The following FLVCR2 variants were observed in gnomAD, a reference collection of about 807,000 sequenced individuals.
FLVCR2 encodes the protein choline/ethanolamine transporter FLVCR2.
A neutral mutation model predicts 48.9 loss-of-function variants in FLVCR2; 38 were observed. That is an observed-to-expected ratio of 0.78 (90% confidence interval 0.60 to 1.02). The LOEUF (loss-of-function observed/expected upper bound fraction) is 1.02, where lower values mean the gene tolerates loss of function less well. FLVCR2 is among the 50% of genes least tolerant of loss of function. The pLI, the probability that FLVCR2 is intolerant of heterozygous loss-of-function variation, is 0.00. For synonymous variants in FLVCR2, 255 were observed against 257.0 expected, an observed-to-expected ratio of 0.99 and a Z score of 0.07; for missense variants, 664 against 663.3, an observed-to-expected ratio of 1.00 and a Z score of -0.01.
At chr14:75,643,668 T>C (rs984218725) in intron 9 of FLVCR2, among the ~76,000 whole-genome samples, 1 of 152,180 alleles carries the variant, frequency 6.6e-6, no homozygotes. Context: ...GGAAATTCAC[T>C]GGGGAGACAG....
At chr14:75,580,143 T>A (rs1888559700) in intron 1 of FLVCR2, among the ~76,000 whole-genome samples, 1 of 152,220 alleles carries the variant, frequency 6.6e-6, no homozygotes. Flanking sequence ...GCCAGGACAG[T>A]GGGAGCAGTG....
At chr14:75,594,554 G>A (rs1365860473) in intron 1 of FLVCR2, among the ~76,000 whole-genome samples, 1 of 152,180 alleles carries the variant, frequency 6.6e-6, no homozygotes, top group Non-Finnish European at 1.5e-5. Flanking sequence ...TGGAGGCTGG[G>A]AAACCCATGA....
At position 75,646,991 on chromosome 14, in the gene FLVCR2, A is replaced by C; in HGVS notation, c.*519A>C. On this transcript the variant is annotated 3_prime_UTR_variant, in exon 10 of 10. Coordinates refer to ENST00000238667, the MANE Select transcript of FLVCR2 (RefSeq NM_017791.3). ...CAGGAGAGGAAGCACCATTAGAACA[A>C]CTCCATCAGAACAGCTCCACCGGGA... The C allele has an allele frequency of 1.1e-5, 2 of 189,214 alleles. No individual in the cohort carries two copies. Among genetic ancestry groups the C allele is most frequent in the South Asian group, 1.1e-4 (1 of 9,278 alleles). The allele number at this position is 189,214 out of a possible 1,614,324, so 11.7% of individuals were successfully genotyped here.
intron 1 of FLVCR2, among the ~76,000 whole-genome samples, chr14:75,603,759 C>T (rs1889222398): frequency 6.6e-6 from 1 of 152,182 alleles, no homozygotes; most frequent in Non-Finnish European, 1.5e-5. Flanking sequence ...AGTTTTTCTC[C>T]TGCTGGTGCC....
chr14:75,582,764 G>A (rs1191322017), intron 1 of FLVCR2, among the ~76,000 whole-genome samples: 1 of 152,168 alleles, frequency 6.6e-6, no homozygotes. Flanking sequence ...AAAGGATTTA[G>A]GATCTATGGG....
intron 1 of FLVCR2, among the ~76,000 whole-genome samples, chr14:75,615,493 C>A (rs1468531619): frequency 1.3e-5 from 2 of 152,124 alleles, no homozygotes; most frequent in Non-Finnish European, 2.9e-5. Context: ...GCCAACCCTG[C>A]AGACAGGGAG....
intron 3 of FLVCR2, among the ~76,000 whole-genome samples, chr14:75,630,359 T>G (rs1890010054): frequency 6.6e-6 from 1 of 152,140 alleles, no homozygotes; most frequent in Non-Finnish European, 1.5e-5. Flanking sequence ...TGATCTTTTG[T>G]ATCTTGAAGG....
chr14:75,588,524 C>G (rs981897637), intron 1 of FLVCR2, among the ~76,000 whole-genome samples: 2 of 152,086 alleles, frequency 1.3e-5, no homozygotes, highest in Admixed American at 6.5e-5. Flanking sequence ...TTCTAGCCAC[C>G]CAGGCTGGAG....
Position 75,641,311 on chromosome 14 carries a change from G to A in FLVCR2, c.1453+18G>A. ...CCTCACTGGTGAGTTGGAGCCTGAG[G>A]GCAAGATGAGGCTCAGGTTGGCCAT... On this transcript the variant is annotated intron_variant, in intron 8 of 9. Transcript: ENST00000238667. The A allele has an allele frequency of 6.4e-7, 1 of 1,566,946 alleles. No individual in the cohort carries two copies. The highest frequency in any genetic ancestry group is 1.7e-4 in the Middle Eastern group (1 of 5,926).
In FLVCR2 at chr14:75,647,562, C is replaced by T. The variant is rs1188176077; in HGVS notation, c.*1090C>T. On this transcript the variant is annotated 3_prime_UTR_variant, in exon 10 of 10. Transcript: ENST00000238667. The stretch of plus-strand genomic sequence containing the variant: ...ACCTCTGCTGGGGACAGTATTTGCA[C>T]CACCAACCCCTCTCCTCACCTGCTT... 1 of 152,640 alleles carries T rather than the reference C, an allele frequency of 6.6e-6. No individual in the cohort carries two copies. Among genetic ancestry groups the T allele is most frequent in the African/African-American group, 2.4e-5 (1 of 41,444 alleles). The allele number at this position is 152,640 out of a possible 1,614,324, so 9.5% of individuals were successfully genotyped here. A position where few individuals can be genotyped will look rare whatever the true frequency, so the allele number is the denominator to read the frequency against.
chr14:75,605,732 G>C, intron 1 of FLVCR2: 1 of 1,046,720 alleles, frequency 9.6e-7, no homozygotes, highest in African/African-American at 1.6e-5. Flanking sequence ...TGCTTCTCCA[G>C]AGAGGAGTTG....
chr14:75,614,786 A>T (rs76694212), intron 1 of FLVCR2, among the ~76,000 whole-genome samples: 2 of 152,204 alleles, frequency 1.3e-5, no homozygotes, highest in Non-Finnish European at 2.9e-5. Flanking sequence ...GAAACTTACA[A>T]TCATGGTGGA....
intron 2 of FLVCR2, among the ~76,000 whole-genome samples, chr14:75,622,861 GA>G (rs1889800365): frequency 6.6e-6 from 1 of 151,944 alleles, no homozygotes; most frequent in South Asian, 2.1e-4. Flanking sequence ...GCTTATTATA[GA>G]AAAATCTAGA....
intron 1 of FLVCR2, among the ~76,000 whole-genome samples, chr14:75,589,314 T>C (rs1888828680): frequency 6.6e-6 from 1 of 151,928 alleles, no homozygotes; most frequent in African/African-American, 2.4e-5. Context: ...AAAGGAGAAA[T>C]AGGCAAGAAG....
intron 1 of FLVCR2, among the ~76,000 whole-genome samples, chr14:75,609,711 T>G (rs1889389122): frequency 6.6e-6 from 1 of 152,148 alleles, no homozygotes; most frequent in Non-Finnish European, 1.5e-5. Flanking sequence ...AAAATCAGAA[T>G]AGGAGGGCTA....
intron 5 of FLVCR2, among the ~76,000 whole-genome samples, chr14:75,635,613 C>T (rs1397162471): frequency 6.6e-6 from 1 of 152,116 alleles, no homozygotes; most frequent in Non-Finnish European, 1.5e-5. Context: ...ATCTGTAATC[C>T]CAGCACTTTG....
At chr14:75,619,082 G>C (rs1889694237) in intron 1 of FLVCR2, among the ~76,000 whole-genome samples, 1 of 152,028 alleles carries the variant, frequency 6.6e-6, no homozygotes, top group Non-Finnish European at 1.5e-5. Context: ...AAATTAGCCA[G>C]GCATGTTGGT....
intron 2 of FLVCR2, among the ~76,000 whole-genome samples, chr14:75,624,365 GAA>G (rs749179999): frequency 7.3e-6 from 1 of 136,070 alleles, no homozygotes; most frequent in Non-Finnish European, 1.6e-5. Flanking sequence ...AAAAAATAAA[GAA>G]AAAAAAAAAG....
Position 75,578,744 on chromosome 14 carries a change from G to A in FLVCR2, c.-229G>A. The A allele has an allele frequency of 1.7e-6, 1 of 598,870 alleles. No homozygotes were observed. Among genetic ancestry groups the A allele is most frequent in the Admixed American group, 2.9e-5 (1 of 34,524 alleles). 37.1% of individuals were successfully genotyped at this position (598,870 alleles called of 1,614,324 possible). ...CTGCGGCGTGTGCGGCCGGCCTTGG[G>A]ACAGCGATCGCCGCGGGTGGCAACA... On this transcript the variant is annotated 5_prime_UTR_variant, in exon 1 of 10. Transcript: ENST00000238667.
Sources: allele counts gnomAD v4.1 joint callset (sites outside exome capture counted in the v4.1 genomes callset), GRCh38; gene constraint gnomAD v4.1.1; transcripts MANE v1.5; gene names NCBI Gene and HGNC (gene_info 2026-07-23, HGNC 2026-07-21).